The following KCNMB2 variants were observed in gnomAD, a reference collection of about 807,000 sequenced individuals.
KCNMB2 encodes potassium calcium-activated channel subfamily M regulatory beta subunit 2, also known as calcium-activated potassium channel subunit beta-2.
Under a neutral mutation model 24.5 loss-of-function variants are expected in KCNMB2, and 9 were observed. The observed-to-expected ratio is 0.37, with a 90% CI of 0.22 to 0.64. The LOEUF (loss-of-function observed/expected upper bound fraction) is 0.64, where lower values mean the gene tolerates loss of function less well. KCNMB2 is among the 30% of genes least tolerant of loss of function. The pLI is 0.63. For missense variants in KCNMB2, 226 were observed against 284.3 expected (o/e 0.79, Z 1.47); for synonymous variants, 109 against 104.4 (o/e 1.04, Z -0.27).
intron 1 of KCNMB2, among the ~76,000 whole-genome samples, chr3:178,677,783 G>A (rs1170063620): frequency 2.6e-5 from 4 of 152,168 alleles, no homozygotes; most frequent in Admixed American, 2.0e-4. Flanking sequence ...CCCTTCAAGG[G>A]GGAGAAGGAT....
chr3:178,709,185 C>T (rs980335543), intron 1 of KCNMB2, among the ~76,000 whole-genome samples: 3 of 152,112 alleles, frequency 2.0e-5, no homozygotes, highest in Non-Finnish European at 4.4e-5. Flanking sequence ...CTTTTCACTA[C>T]TCTGTTTCAT....
chr3:178,738,364 G>A (rs1723384379), intron 1 of KCNMB2, among the ~76,000 whole-genome samples: 2 of 152,122 alleles, frequency 1.3e-5, no homozygotes, highest in South Asian at 4.1e-4. Flanking sequence ...CAGCAAGATG[G>A]ATGTTTTTAC....
chr3:178,796,094 TAATGTA>T (rs1470001343), intron 1 of KCNMB2, among the ~76,000 whole-genome samples: 1 of 151,966 alleles, frequency 6.6e-6, no homozygotes, highest in Non-Finnish European at 1.5e-5. Flanking sequence ...TCTTATATTA[TAATGTA>T]AATGAAAATG....
intron 1 of KCNMB2, among the ~76,000 whole-genome samples, chr3:178,540,924 C>T (rs1045959111): frequency 1.3e-5 from 2 of 152,158 alleles, no homozygotes; most frequent in Non-Finnish European, 2.9e-5. Context: ...ATTCATAGCA[C>T]GTAGAATAGG....
At chr3:178,638,372 C>T (rs889967475) in intron 1 of KCNMB2, among the ~76,000 whole-genome samples, 2 of 152,084 alleles carry the variant, frequency 1.3e-5, no homozygotes, top group South Asian at 2.1e-4. Flanking sequence ...ACTGCATGGT[C>T]CTTTCTTTAT....
At chr3:178,777,986 T>A (rs1415256434) in intron 1 of KCNMB2, among the ~76,000 whole-genome samples, 1 of 152,192 alleles carries the variant, frequency 6.6e-6, no homozygotes. Flanking sequence ...TCTAGACAAA[T>A]GCTCTCAAGT....
chr3:178,567,642 G>A (rs78388654), intron 1 of KCNMB2, among the ~76,000 whole-genome samples: 2 of 151,762 alleles, frequency 1.3e-5, no homozygotes, highest in African/African-American at 4.9e-5. Flanking sequence ...AATTATAAAA[G>A]ACAAACATAA....
chr3:178,817,340 C>A (rs965916511), intron 2 of KCNMB2, among the ~76,000 whole-genome samples: 5 of 150,960 alleles, frequency 3.3e-5, no homozygotes, highest in Non-Finnish European at 7.4e-5. Flanking sequence ...CAAATTGTAC[C>A]ATAAAATATA....
intron 1 of KCNMB2, among the ~76,000 whole-genome samples, chr3:178,750,027 T>C (rs2108387503): frequency 6.6e-6 from 1 of 152,306 alleles, no homozygotes; most frequent in South Asian, 2.1e-4. Flanking sequence ...TTTAAGTAAG[T>C]ATGTTGTGTG....
chr3:178,688,006 TA>T (rs1721525674), intron 1 of KCNMB2, among the ~76,000 whole-genome samples: 1 of 152,148 alleles, frequency 6.6e-6, no homozygotes, highest in Non-Finnish European at 1.5e-5. Context: ...GTTTGGGAAA[TA>T]TTCCTGAAAT....
chr3:178,676,090 T>A (rs1235033330), intron 1 of KCNMB2, among the ~76,000 whole-genome samples: 8 of 152,224 alleles, frequency 5.3e-5, no homozygotes, highest in Non-Finnish European at 1.0e-4. Context: ...CCCAAGCCCA[T>A]GTTACGCCTC....
intron 1 of KCNMB2, among the ~76,000 whole-genome samples, chr3:178,602,437 T>A (rs1718116780): frequency 6.6e-6 from 1 of 152,048 alleles, no homozygotes; most frequent in East Asian, 1.9e-4. Context: ...CTCAGAGAGT[T>A]CCTAGAAAAT....
Position 178,807,403 on chromosome 3 carries a change from C to G in KCNMB2, c.-7C>G, listed in dbSNP as rs757973806. 2 of 1,613,216 alleles carry G rather than the reference C, an allele frequency of 1.2e-6. No homozygotes were observed. The highest frequency in any genetic ancestry group is 8.5e-7 in the Non-Finnish European group (1 of 1,179,316). ...GGAAAGGAGACCCTGGACCAACATT[C>G]TCTAAGATGTTTATATGGACCAGTG... On this transcript the variant is annotated 5_prime_UTR_variant, in exon 2 of 5. Coordinates refer to ENST00000452583, the MANE Select transcript of KCNMB2 (RefSeq NM_181361.3).
intron 1 of KCNMB2, among the ~76,000 whole-genome samples, chr3:178,696,913 GT>G (rs538695371): frequency 2.0e-3 from 311 of 152,224 alleles, no homozygotes; most frequent in South Asian, 9.9e-3. Flanking sequence ...TAATTGCATG[GT>G]TTTGAGTGAA....
intron 1 of KCNMB2, among the ~76,000 whole-genome samples, chr3:178,549,568 C>T (rs2010249): frequency 0.24 from 35,548 of 148,712 alleles, 4,905 homozygotes; most frequent in East Asian, 0.44. Context: ...CTCAGGTGAT[C>T]CGCCTGCCTC....
At chr3:178,580,026 A>G (rs2108488380) in intron 1 of KCNMB2, among the ~76,000 whole-genome samples, 1 of 152,318 alleles carries the variant, frequency 6.6e-6, no homozygotes, top group Admixed American at 6.5e-5. Context: ...TTATGAGACC[A>G]GCATCATCCT....
chr3:178,643,378 G>T (rs1235845094), intron 1 of KCNMB2, among the ~76,000 whole-genome samples: 2 of 152,086 alleles, frequency 1.3e-5, no homozygotes, highest in Non-Finnish European at 2.9e-5. Flanking sequence ...ATGTGATAAA[G>T]TTGTATAGCC....
At chr3:178,756,833 A>C (rs532361577) in intron 1 of KCNMB2, among the ~76,000 whole-genome samples, 1 of 152,072 alleles carries the variant, frequency 6.6e-6, no homozygotes, top group African/African-American at 2.4e-5. Context: ...ATTAAAACTC[A>C]TGCCTGAATG....
At chr3:178,572,919 G>A (rs1716855371) in intron 1 of KCNMB2, among the ~76,000 whole-genome samples, 1 of 152,086 alleles carries the variant, frequency 6.6e-6, no homozygotes, top group Non-Finnish European at 1.5e-5. Flanking sequence ...GTTTTAAGTA[G>A]GTTTTTTCAT....
Sources: allele counts gnomAD v4.1 joint callset (sites outside exome capture counted in the v4.1 genomes callset), GRCh38; gene constraint gnomAD v4.1.1; transcripts MANE v1.5; gene names NCBI Gene and HGNC (gene_info 2026-07-23, HGNC 2026-07-21).